FAM181A: variants seen among roughly 807,000 people sequenced by gnomAD.
FAM181A encodes the protein family with sequence similarity 181 member A, also known as protein FAM181A.
FAM181A carries 7 observed loss-of-function variants against 16.3 expected under a neutral mutation model. The ratio of observed to expected loss-of-function variants is 0.43; its 90% CI spans 0.24 to 0.81. FAM181A has a LOEUF of 0.81. Ranked by LOEUF, FAM181A falls within the 30% of genes least tolerant of loss-of-function variation. FAM181A has a pLI of 0.24. For synonymous variants in FAM181A, 183 were observed against 164.9 expected (o/e 1.11, Z -0.84); for missense variants, 349 against 377.5 (o/e 0.92, Z 0.63).
intron 1 of FAM181A, among the ~76,000 whole-genome samples, chr14:93,921,146 C>T (rs1022823025): frequency 1.7e-4 from 26 of 152,180 alleles, no homozygotes; most frequent in African/African-American, 6.3e-4. Context: ...TGTAATTCAA[C>T]CAGGAAACTG....
At chr14:93,924,289 G>A (rs1887824258), upstream of FAM181A, among the ~76,000 whole-genome samples, 1 of 152,160 alleles carries the variant, frequency 6.6e-6, no homozygotes, top group African/African-American at 2.4e-5. Flanking sequence ...TGGAGGAGGG[G>A]GTGTTTGAGC....
At position 93,929,364 on chromosome 14, in the gene FAM181A, A is replaced by G; in HGVS notation, c.*200A>G. On this transcript the variant is annotated 3_prime_UTR_variant, in exon 2 of 2. Transcript: ENST00000556222. ...GCAGCCTTGGAAGCTGGGAGGCTGG[A>G]CCTGGTTGGCCCCTCCCCAGGCAGG... 2 of 718,546 alleles carry G rather than the reference A, an allele frequency of 2.8e-6. No individual in the cohort carries two copies. The highest frequency in any genetic ancestry group is 8.7e-5 in the South Asian group (2 of 23,034). The allele number at this position is 718,546 out of a possible 1,614,324, so 44.5% of individuals were successfully genotyped here.
upstream of FAM181A, among the ~76,000 whole-genome samples, chr14:93,924,696 G>T (rs1887837799): frequency 6.6e-6 from 1 of 152,236 alleles, no homozygotes; most frequent in Non-Finnish European, 1.5e-5. Flanking sequence ...TGGTCTTCCT[G>T]GCCGGCAGCG....
upstream of FAM181A, chr14:93,925,228 T>C (rs1372350983): frequency 3.1e-6 from 5 of 1,593,750 alleles, no homozygotes; most frequent in East Asian, 1.1e-4. Flanking sequence ...CCGTGGGATC[T>C]CAAGGAAGCT....
chr14:93,921,858 G>T (rs755675041), intron 1 of FAM181A, among the ~76,000 whole-genome samples: 1 of 152,124 alleles, frequency 6.6e-6, no homozygotes. Context: ...ACTGCCCATG[G>T]GACCTTCAGC....
upstream of FAM181A, among the ~76,000 whole-genome samples, chr14:93,922,925 T>C (rs532909026): frequency 1.3e-4 from 20 of 152,144 alleles, no homozygotes; most frequent in Non-Finnish European, 2.6e-4. Flanking sequence ...GCATGGAAAA[T>C]AAATTTGTAC....
chr14:93,923,227 G>A (rs754884968), upstream of FAM181A, among the ~76,000 whole-genome samples: 3 of 152,106 alleles, frequency 2.0e-5, no homozygotes, highest in Admixed American at 6.5e-5. Context: ...CATCCGTGTC[G>A]GCCTCCCAAA....
rs2031763845 is a variant in FAM181A, at chr14:93,929,458, C to A, written c.*294C>A. Reference sequence around the variant, plus strand: ...GGTACTGGGATGTTGCCCTTCCTTGCCTTGCAGTCACCCCAGAAGCCAGAG... The same window carrying A: ...GGTACTGGGATGTTGCCCTTCCTTGACTTGCAGTCACCCCAGAAGCCAGAG... On this transcript the variant is annotated 3_prime_UTR_variant, in exon 2 of 2. Transcript: ENST00000556222. The A allele has an allele frequency of 5.2e-6, 2 of 385,944 alleles. No homozygotes were observed. Among genetic ancestry groups the A allele is most frequent in the Non-Finnish European group, 9.2e-6 (2 of 217,128 alleles). The allele number at this position is 385,944 out of a possible 1,614,324, so 23.9% of individuals were successfully genotyped here. A position where few individuals can be genotyped will look rare whatever the true frequency, so the allele number is the denominator to read the frequency against.
At chr14:93,927,057 C>CACACACACACACACACACACACAT, upstream of FAM181A, 2 of 170,254 alleles carry the variant, frequency 1.2e-5, no homozygotes, top group African/African-American at 4.8e-5. Context: ...CACACACACA[C>CACACACACACACACACACACACAT]ACACCCCACC....
upstream of FAM181A, chr14:93,925,268 C>A (rs200407912): frequency 2.1e-4 from 332 of 1,613,098 alleles, 3 homozygotes; most frequent in Non-Finnish European, 2.1e-5. Flanking sequence ...TCTAAAATGT[C>A]TTGATGCCCT....
At position 93,929,299 on chromosome 14, in the gene FAM181A, G is replaced by T. The variant is rs1595291922; in HGVS notation, c.*135G>T. The T allele has an allele frequency of 3.3e-6, 4 of 1,225,142 alleles. No homozygotes were observed. The African/African-American group carries it at 4.5e-5, about 14-fold the overall frequency. The allele number at this position is 1,225,142 out of a possible 1,614,324, so 75.9% of individuals were successfully genotyped here. A position where few individuals can be genotyped will look rare whatever the true frequency, so the allele number is the denominator to read the frequency against. On this transcript the variant is annotated 3_prime_UTR_variant, in exon 2 of 2. Coordinates refer to ENST00000556222, the MANE Select transcript of FAM181A (RefSeq NM_001207073.2). ...GTGTGCGCATGGGAGTGGAGGGCAG[G>T]ATTGGGGCAGGGCTCCTCAGGCAGT... is the stretch of plus-strand genomic sequence containing the variant.
chr14:93,921,207 G>A (rs561645184), intron 1 of FAM181A, among the ~76,000 whole-genome samples: 1 of 152,312 alleles, frequency 6.6e-6, no homozygotes, highest in African/African-American at 2.4e-5. Context: ...CCAGGTAGGG[G>A]CAGAGTTCAA....
chr14:93,926,845 A>G (rs1887923736), upstream of FAM181A: 1 of 152,274 alleles, frequency 6.6e-6, no homozygotes, highest in South Asian at 2.1e-4. This position sits in a 1 kb window ranked among gnomAD's most constrained non-coding sequence, Gnocchi z 5.2. Flanking sequence ...AGACAGGAGA[A>G]GAGAGAGTGA....
At chr14:93,927,339 G>A (rs1887946168), upstream of FAM181A, 3 of 1,113,374 alleles carry the variant, frequency 2.7e-6, no homozygotes, top group Non-Finnish European at 1.1e-6. Context: ...GCCCACTCAA[G>A]GGTTGCACAA....
At chr14:93,923,195 G>A (rs1024673600), upstream of FAM181A, among the ~76,000 whole-genome samples, 2 of 152,142 alleles carry the variant, frequency 1.3e-5, no homozygotes, top group African/African-American at 2.4e-5. Context: ...GGCTGGTCTC[G>A]AACTCCTGAC....
chr14:93,921,648 T>C (rs976254973), intron 1 of FAM181A, among the ~76,000 whole-genome samples: 7 of 152,350 alleles, frequency 4.6e-5, no homozygotes, highest in African/African-American at 1.4e-4. Context: ...CAGGCCACTC[T>C]GTCCTCCGCG....
At position 93,929,165 on chromosome 14, in the gene FAM181A, C is replaced by T. The variant is rs980791512; in HGVS notation, c.*1C>T. On this transcript the variant is annotated 3_prime_UTR_variant, in exon 2 of 2. Coordinates refer to ENST00000556222, the MANE Select transcript of FAM181A (RefSeq NM_001207073.2). ...CTTCAATGTCTTTGGCTACCTCTAG[C>T]CACGCGGAGAGGGCCTCAGCCCCCA... The T allele has an allele frequency of 6.6e-7, 1 of 1,513,760 alleles. No individual in the cohort carries two copies. Among genetic ancestry groups the T allele is most frequent in the African/African-American group, 1.4e-5 (1 of 71,804 alleles). 93.8% of individuals were successfully genotyped at this position (1,513,760 alleles called of 1,614,324 possible). A position where few individuals can be genotyped will look rare whatever the true frequency, so the allele number is the denominator to read the frequency against.
chr14:93,920,698 G>A (rs1887692569), intron 1 of FAM181A, among the ~76,000 whole-genome samples: 1 of 152,148 alleles, frequency 6.6e-6, no homozygotes, highest in Admixed American at 6.5e-5. Context: ...TTGATAAAGA[G>A]GATCTACAAA....
intron 1 of FAM181A, chr14:93,922,083 T>C (rs1399443246): frequency 2.0e-5 from 3 of 152,208 alleles, no homozygotes; most frequent in African/African-American, 4.8e-5. Flanking sequence ...GGCTTTGCCT[T>C]GGATGAATCT....
Sources: gnomAD v4.1 joint callset for allele counts (sites outside exome capture counted in the v4.1 genomes callset) on GRCh38, gnomAD v4.1.1 for gene constraint, Gnocchi (gnomAD v3.1) non-coding constraint, MANE v1.5 for transcripts, NCBI Gene and HGNC (gene_info 2026-07-23, HGNC 2026-07-21) for gene names.